The following ZFP64 variants were observed in gnomAD, a reference collection of about 807,000 sequenced individuals.
ZFP64 encodes ZFP64 zinc finger protein.
Under a neutral mutation model 51.6 loss-of-function variants are expected in ZFP64, and 14 were observed. The observed-to-expected ratio is 0.27, with a 90% CI of 0.18 to 0.42. ZFP64 has a LOEUF of 0.42. Ranked by LOEUF, ZFP64 falls within the 10% of genes least tolerant of loss-of-function variation. The probability of loss-of-function intolerance (pLI) is 1.00; values close to 1 mark genes in which losing one functional copy is unlikely to be tolerated. For synonymous variants in ZFP64, 375 were observed against 361.4 expected (o/e 1.04, Z -0.43); for missense variants, 754 against 906.8 (o/e 0.83, Z 2.16).
chr20:52,088,151 G>T (rs2078883759), intron 8 of ZFP64: 2 of 582,124 alleles, frequency 3.4e-6, no homozygotes, highest in East Asian at 6.2e-5. Context: ...GTTATAGTGG[G>T]TATCTACTCC....
chr20:52,112,735 C>T (rs1277151787), intron 5 of ZFP64, among the ~76,000 whole-genome samples: 1 of 151,960 alleles, frequency 6.6e-6, no homozygotes, highest in Non-Finnish European at 1.5e-5. Flanking sequence ...CCATCTTAGC[C>T]TCCCGAGTGG....
At chr20:52,186,752 A>G (rs1325003895) in intron 2 of ZFP64, 80 bp downstream of exon 2, 1 of 1,515,428 alleles carries the variant, frequency 6.6e-7, no homozygotes, top group East Asian at 2.3e-5. Flanking sequence ...CTGGGAATCT[A>G]TATTTTTAAC....
chr20:52,188,901 G>A (rs534958290), intron 1 of ZFP64, among the ~76,000 whole-genome samples: 2 of 151,892 alleles, frequency 1.3e-5, no homozygotes, highest in East Asian at 2.0e-4. Flanking sequence ...GCTTGAACCC[G>A]GAAGGCGCAG....
intron 5 of ZFP64, among the ~76,000 whole-genome samples, chr20:52,146,201 A>G (rs1980518560): frequency 6.6e-6 from 1 of 152,140 alleles, no homozygotes. Context: ...AACTAGAAAT[A>G]CCATTTGACC....
chr20:52,171,470 C>A (rs955624304), intron 2 of ZFP64, among the ~76,000 whole-genome samples: 4 of 151,946 alleles, frequency 2.6e-5, no homozygotes, highest in Admixed American at 2.0e-4. Flanking sequence ...GTCAGACTGA[C>A]CTTGGACCAA....
At chr20:52,165,785 A>T (rs769022133) in intron 3 of ZFP64, 79 bp downstream of exon 3, 1 of 1,583,332 alleles carries the variant, frequency 6.3e-7, no homozygotes, top group Admixed American at 1.8e-5. Context: ...AGCAGTTGTC[A>T]GGAACTCATG....
Position 52,161,450 on chromosome 20 carries a change from C to CTTTT in ZFP64, c.512-1080_512-1077dup, listed in dbSNP as rs11469696. ...CCCAGGACCGTCTTGTGATTGCTTT[C>CTTTT]TTTTTTTTTTTTTTTTTTTTTGCCA... On this transcript the variant is annotated intron_variant, in intron 4 of 5. Coordinates refer to ENST00000216923, the MANE Select transcript of ZFP64 (RefSeq NM_018197.3). Among the ~76,000 whole-genome samples, 321 of 114,906 alleles carry CTTTT rather than the reference C, an allele frequency of 2.8e-3. 4 individuals carry two copies. Among genetic ancestry groups the CTTTT allele is most frequent in the African/African-American group, 7.5e-3 (226 of 30,006 alleles). 75.4% of individuals were successfully genotyped at this position (114,906 alleles called of 152,430 possible). A position where few individuals can be genotyped will look rare whatever the true frequency, so the allele number is the denominator to read the frequency against.
chr20:52,098,324 G>T, intron 6 of ZFP64: 1 of 1,439,764 alleles, frequency 6.9e-7, no homozygotes, highest in Non-Finnish European at 9.5e-7. Context: ...TGTAGATACT[G>T]GCATGTTGTC....
Position 52,119,244 on chromosome 20 carries a change from C to T in ZFP64, c.764-20657G>A, listed in dbSNP as rs867700833. 3.3e-5 allele frequency among the ~76,000 whole-genome samples: 5 copies of T among 151,878 alleles called. No individual in the cohort carries two copies. In the South Asian group the frequency reaches 6.3e-4, roughly 19 times the overall value. On this transcript the variant is annotated intron_variant, in intron 5 of 8. Coordinates refer to the ZFP64 transcript ENST00000361387. Reference sequence around the variant, plus strand: ...CAAAGACCAGGAGGGAAGCTGGGTTCGGTGGTTCACGCCTGTAATCCCAGC... The same window carrying T: ...CAAAGACCAGGAGGGAAGCTGGGTTTGGTGGTTCACGCCTGTAATCCCAGC...
intron 2 of ZFP64, among the ~76,000 whole-genome samples, chr20:52,181,321 C>T (rs62215772): frequency 0.079 from 11,963 of 152,160 alleles, 538 homozygotes; most frequent in Non-Finnish European, 0.1. Context: ...TGAGGCCTTA[C>T]GCAGCCAAGA....
intron 5 of ZFP64, among the ~76,000 whole-genome samples, chr20:52,135,346 TG>T (rs887276674): frequency 2.0e-5 from 3 of 152,156 alleles, no homozygotes; most frequent in Non-Finnish European, 4.4e-5. Flanking sequence ...GCTGAATAGT[TG>T]GAACAGAGAA....
At chr20:52,129,000 G>A (rs1209017864) in intron 5 of ZFP64, among the ~76,000 whole-genome samples, 1 of 151,672 alleles carries the variant, frequency 6.6e-6, no homozygotes, top group Non-Finnish European at 1.5e-5. Flanking sequence ...TGCTACCTCC[G>A]CCTCCCAGGT....
intron 5 of ZFP64, among the ~76,000 whole-genome samples, chr20:52,108,228 A>G (rs1978362499): frequency 6.6e-6 from 1 of 152,204 alleles, no homozygotes. Flanking sequence ...TCTTGAAAAC[A>G]AACAAACAAA....
At position 52,152,099 on chromosome 20, in the gene ZFP64, T is replaced by A. The variant is rs755151593; in HGVS notation, c.*47A>T. The A allele has an allele frequency of 2.5e-6, 4 of 1,569,682 alleles. No homozygotes were observed. The African/African-American group carries it at 5.5e-5, about 22-fold the overall frequency. Reference sequence around the variant, plus strand: ...CCTTTTAGAGAATTCTACTTAAGATTTCTTTTTCTCAATTCCTTTCCCCCA... The same window carrying A: ...CCTTTTAGAGAATTCTACTTAAGATATCTTTTTCTCAATTCCTTTCCCCCA... On this transcript the variant is annotated 3_prime_UTR_variant, in exon 6 of 6. Coordinates refer to ENST00000216923, the MANE Select transcript of ZFP64 (RefSeq NM_018197.3).
At chr20:52,102,263 T>C (rs1445611236) in intron 5 of ZFP64, among the ~76,000 whole-genome samples, 1 of 152,134 alleles carries the variant, frequency 6.6e-6, no homozygotes, top group Non-Finnish European at 1.5e-5. Context: ...CGTCAGCGTG[T>C]ATCAGAATTG....
At position 52,098,951 on chromosome 20, in the gene ZFP64, G is replaced by A. The variant is rs535277298; in HGVS notation, c.764-364C>T. On this transcript the variant is annotated intron_variant, in intron 5 of 8. Transcript: ENST00000361387. Reference sequence around the variant, plus strand: ...TGGGAGGCAGAGGTTGCAGTGAGCCGAGATCATGCCACTGCACTCCAGCCT... The same window carrying A: ...TGGGAGGCAGAGGTTGCAGTGAGCCAAGATCATGCCACTGCACTCCAGCCT... Among the ~76,000 whole-genome samples, 1,261 of 146,022 alleles carry A rather than the reference G, an allele frequency of 8.6e-3. 5 individuals are homozygous for A. Among genetic ancestry groups the A allele is most frequent in the Non-Finnish European group, 0.014 (959 of 67,396 alleles).
chr20:52,110,468 T>C, intron 5 of ZFP64: 2 of 666,964 alleles, frequency 3.0e-6, no homozygotes, highest in Non-Finnish European at 5.4e-6. Context: ...CCATGTCATC[T>C]CTATGCTGGG....
At chr20:52,169,621 C>T (rs555888282) in intron 2 of ZFP64, among the ~76,000 whole-genome samples, 8 of 152,308 alleles carry the variant, frequency 5.3e-5, no homozygotes, top group Admixed American at 6.5e-5. Flanking sequence ...TAAGCCTGGG[C>T]AAGTCACAGC....
At chr20:52,104,902 A>G (rs1223088285) in intron 5 of ZFP64, 4 of 671,988 alleles carry the variant, frequency 6.0e-6, no homozygotes, top group African/African-American at 5.3e-5. Context: ...CTAGCTCTTG[A>G]GAGGAGTGGC....
Sources: gnomAD v4.1 joint callset for allele counts (sites outside exome capture counted in the v4.1 genomes callset) on GRCh38, gnomAD v4.1.1 for gene constraint, MANE v1.5 for transcripts, NCBI Gene and HGNC (gene_info 2026-07-23, HGNC 2026-07-21) for gene names.